FRK: variants seen among roughly 807,000 people sequenced by gnomAD.
FRK encodes the protein fyn related Src family tyrosine kinase, also known as tyrosine-protein kinase FRK.
Under a neutral mutation model 56.4 loss-of-function variants are expected in FRK, and 51 were observed. That is an observed-to-expected ratio of 0.90 (90% CI 0.72 to 1.14). The LOEUF (loss-of-function observed/expected upper bound fraction) is 1.14, where lower values mean the gene tolerates loss of function less well. FRK is among the 50% of genes most tolerant of loss of function. FRK has a pLI of 0.00. For missense variants in FRK, 570 were observed against 601.4 expected, an observed-to-expected ratio of 0.95 and a Z score of 0.55; for synonymous variants, 245 against 217.9, an observed-to-expected ratio of 1.12 and a Z score of -1.10.
At chr6:116,019,088 G>A (rs1179616055) in intron 1 of FRK, among the ~76,000 whole-genome samples, 4 of 152,166 alleles carry the variant, frequency 2.6e-5, no homozygotes, top group African/African-American at 9.7e-5. Flanking sequence ...TTCCTCTACA[G>A]ATCAAATGAG....
chr6:116,054,298 A>T (rs1308360136), intron 1 of FRK, among the ~76,000 whole-genome samples: 1 of 150,200 alleles, frequency 6.7e-6, no homozygotes, highest in East Asian at 1.9e-4. Flanking sequence ...ATCTCATGGC[A>T]TTTAAATATG....
chr6:116,077,181 T>C, the FRK span, among the ~76,000 whole-genome samples: 1 of 152,244 alleles, frequency 6.6e-6, no homozygotes, highest in African/African-American at 2.4e-5. Flanking sequence ...GTCAGTCAGC[T>C]TTATAACAAA....
intron 2 of FRK, among the ~76,000 whole-genome samples, chr6:115,984,134 G>A (rs1047251304): frequency 2.0e-5 from 3 of 151,986 alleles, no homozygotes; most frequent in South Asian, 2.1e-4. Flanking sequence ...AGCTCACTTC[G>A]TCCTTAGCAT....
chr6:115,933,592 T>C lies in FRK; in HGVS notation c.*8822A>G, dbSNP rs1771994776. Reference sequence around the variant, plus strand: ...GGAAAGGATAAACTTCTTTTCATATTTCAAAATCAGATCTTACTTAAAAAT... The same window carrying C: ...GGAAAGGATAAACTTCTTTTCATATCTCAAAATCAGATCTTACTTAAAAAT... On this transcript the variant is annotated 3_prime_UTR_variant, in exon 8 of 8. Transcript: ENST00000606080. The C allele has an allele frequency of 6.6e-6, 1 of 152,196 alleles. No individual in the cohort carries two copies. Among genetic ancestry groups the C allele is most frequent in the Non-Finnish European group, 1.5e-5 (1 of 68,016 alleles). 9.4% of individuals were successfully genotyped at this position (152,196 alleles called of 1,614,324 possible).
At chr6:116,004,121 C>T (rs1775166762) in intron 1 of FRK, 123 bp from the exon 2 acceptor site, 1 of 823,398 alleles carries the variant, frequency 1.2e-6, no homozygotes, top group Non-Finnish European at 1.9e-6. Context: ...AAAACTATTA[C>T]AGGTATAAAT....
chr6:115,956,728 A>G, intron 4 of FRK, 118 bp from the exon 5 acceptor site: 11 of 731,852 alleles, frequency 1.5e-5, no homozygotes, highest in Admixed American at 3.2e-5. Context: ...GAGCCTCAGT[A>G]TCACAAATCT....
intron 1 of FRK, among the ~76,000 whole-genome samples, chr6:116,043,898 G>A (rs1002413868): frequency 6.6e-6 from 1 of 151,996 alleles, no homozygotes; most frequent in African/African-American, 2.4e-5. Flanking sequence ...AGTGATAAAG[G>A]GGATATCACC....
At chr6:116,045,977 G>A (rs989609277) in intron 1 of FRK, among the ~76,000 whole-genome samples, 1 of 152,098 alleles carries the variant, frequency 6.6e-6, no homozygotes, top group Non-Finnish European at 1.5e-5. Context: ...CAAAAAGTGG[G>A]TAAAGGATAT....
At chr6:116,017,439 C>T (rs1287529046) in intron 1 of FRK, among the ~76,000 whole-genome samples, 2 of 152,174 alleles carry the variant, frequency 1.3e-5, no homozygotes, top group Non-Finnish European at 2.9e-5. Context: ...TTCTACATCG[C>T]TTTTCTTTTT....
chr6:116,038,804 C>T (rs1313620553), intron 1 of FRK: 7 of 501,488 alleles, frequency 1.4e-5, no homozygotes, highest in Admixed American at 2.4e-5. Context: ...GATGAACCGA[C>T]GGAAGAAGAG....
chr6:116,011,269 A>C (rs1240211352), intron 1 of FRK, among the ~76,000 whole-genome samples: 1 of 152,206 alleles, frequency 6.6e-6, no homozygotes, highest in Non-Finnish European at 1.5e-5. Context: ...CTAGGTTCCT[A>C]GGTAACTCAT....
At chr6:115,987,842 A>G (rs1184857494) in intron 2 of FRK, among the ~76,000 whole-genome samples, 2 of 152,144 alleles carry the variant, frequency 1.3e-5, no homozygotes, top group African/African-American at 4.8e-5. Flanking sequence ...GGGACTATAC[A>G]TACAACAGAT....
the FRK span, among the ~76,000 whole-genome samples, chr6:116,075,270 T>G: frequency 6.6e-6 from 1 of 152,140 alleles, no homozygotes; most frequent in African/African-American, 2.4e-5. Flanking sequence ...CTTTTTAAAC[T>G]TCTTATGCCC....
intron 1 of FRK, among the ~76,000 whole-genome samples, chr6:116,017,574 T>C (rs1181544535): frequency 6.6e-6 from 1 of 152,180 alleles, no homozygotes; most frequent in African/African-American, 2.4e-5. Context: ...GTCGAGGTTT[T>C]TCTTTTATCA....
intron 1 of FRK, among the ~76,000 whole-genome samples, chr6:116,040,084 A>C (rs561139831): frequency 6.6e-6 from 1 of 152,334 alleles, no homozygotes; most frequent in East Asian, 1.9e-4. Flanking sequence ...ATTAGAATGC[A>C]CATGGGGGAA....
chr6:115,974,366 G>A (rs543305347), intron 2 of FRK, among the ~76,000 whole-genome samples: 15 of 152,224 alleles, frequency 9.9e-5, no homozygotes, highest in African/African-American at 1.7e-4. Context: ...GATTGCTACC[G>A]ATTATATAAA....
At chr6:116,087,006 A>G in the FRK span, among the ~76,000 whole-genome samples, 1 of 152,244 alleles carries the variant, frequency 6.6e-6, no homozygotes, top group Non-Finnish European at 1.5e-5. Context: ...GTAATGTGGG[A>G]GATATCCTGC....
upstream of FRK, among the ~76,000 whole-genome samples, chr6:116,061,348 T>TG (rs1419686393): frequency 6.6e-6 from 1 of 151,862 alleles, no homozygotes; most frequent in Non-Finnish European, 1.5e-5. Context: ...CCCAAAATGT[T>TG]GCTTTTTCCC....
In FRK at chr6:115,935,432, C is replaced by A. The variant is rs4341039; in HGVS notation, c.*6982G>T. On this transcript the variant is annotated 3_prime_UTR_variant, in exon 8 of 8. Transcript: ENST00000606080. ...AAAACTGGGCAGCCATTTGGGCAGA[C>A]ACTGAACTAGCTGCAGGAGTTTTAT... is the stretch of plus-strand genomic sequence containing the variant. 28,689 of 152,932 alleles carry A rather than the reference C, an allele frequency of 0.19. 3,297 individuals carry two copies. Among genetic ancestry groups the A allele is most frequent in the Middle Eastern group, 0.31 (92 of 298 alleles). 9.5% of individuals were successfully genotyped at this position (152,932 alleles called of 1,614,324 possible).
Sources: gnomAD v4.1 joint callset for allele counts (sites outside exome capture counted in the v4.1 genomes callset) on GRCh38, gnomAD v4.1.1 for gene constraint, MANE v1.5 for transcripts, NCBI Gene and HGNC (gene_info 2026-07-23, HGNC 2026-07-21) for gene names.